The following ADAMTSL3 variants were observed in gnomAD, a reference collection of about 807,000 sequenced individuals.
The protein encoded by ADAMTSL3 is ADAMTS-like protein 3.
ADAMTSL3 carries 128 observed loss-of-function variants against 201.7 expected under a neutral mutation model. The observed-to-expected ratio is 0.63, with a 90% confidence interval of 0.55 to 0.73. ADAMTSL3 has a LOEUF of 0.73. ADAMTSL3 is among the 30% of genes least tolerant of loss of function. The pLI, the probability that ADAMTSL3 is intolerant of heterozygous loss-of-function variation, is 0.00. For missense variants in ADAMTSL3, 1,990 were observed against 2,119.6 expected (o/e 0.94, Z 1.20); for synonymous variants, 738 against 748.4 (o/e 0.99, Z 0.23).
rs150467648 is a variant in ADAMTSL3 at position 83,847,656 on chromosome 15, C to T, written c.727+9441C>T. Among the ~76,000 whole-genome samples, 19 of 152,060 alleles carry T rather than the reference C, an allele frequency of 1.2e-4. No individual in the cohort carries two copies. In the East Asian group the frequency reaches 3.5e-3, roughly 28 times the overall value. On this transcript the variant is annotated intron_variant, in intron 7 of 29. Coordinates refer to ENST00000286744, the MANE Select transcript of ADAMTSL3 (RefSeq NM_207517.3). ...GATTACAGTCACGTGCCACCATGCC[C>T]GGCTAATTTTGTATTTTTAGTAGAG... is the stretch of plus-strand genomic sequence containing the variant.
intron 10 of ADAMTSL3, among the ~76,000 whole-genome samples, chr15:83,886,080 G>T (rs1280187583): frequency 1.3e-5 from 2 of 152,130 alleles, no homozygotes; most frequent in Non-Finnish European, 2.9e-5. Context: ...GTAATCCAGG[G>T]CTCCACACAC....
intron 27 of ADAMTSL3, 102 bp downstream of exon 27, chr15:84,025,538 C>A: frequency 1.8e-6 from 2 of 1,129,686 alleles, no homozygotes; most frequent in Non-Finnish European, 2.5e-6. Flanking sequence ...GGGCGGGGGG[C>A]AGGAATCTGA....
intron 17 of ADAMTSL3, among the ~76,000 whole-genome samples, chr15:83,927,105 T>TTTTC (rs1172650503): frequency 2.6e-5 from 4 of 151,788 alleles, no homozygotes; most frequent in East Asian, 1.9e-4. Context: ...CCATAAATCC[T>TTTTC]TTTCTTTCTT....
intron 5 of ADAMTSL3, among the ~76,000 whole-genome samples, chr15:83,815,764 A>G (rs1388447089): frequency 6.6e-6 from 1 of 152,258 alleles, no homozygotes; most frequent in East Asian, 1.9e-4. Context: ...TTTGAGAATC[A>G]GTCTTGGCTT....
rs566744436 is a variant in ADAMTSL3 at position 83,678,198 on chromosome 15, A to G, written c.69+22368A>G. Among the ~76,000 whole-genome samples the G allele has an allele frequency of 2.0e-5, 3 of 152,238 alleles. No homozygotes were observed. The South Asian group carries it at 6.2e-4, about 32-fold the overall frequency. On this transcript the variant is annotated intron_variant, in intron 2 of 29. Coordinates refer to ENST00000286744, the MANE Select transcript of ADAMTSL3 (RefSeq NM_207517.3). ...TTAACAAACTCATAAGGAGAAGGAT[A>G]TTCTATTATCTTCACCCCTATTTTT...
chr15:83,859,507 A>G (rs2064811044), intron 8 of ADAMTSL3, among the ~76,000 whole-genome samples: 1 of 152,172 alleles, frequency 6.6e-6, no homozygotes, highest in Non-Finnish European at 1.5e-5. Flanking sequence ...TTAAAATGTT[A>G]TCTTCAGTTT....
chr15:83,864,768 A>G (rs975653603), intron 8 of ADAMTSL3, among the ~76,000 whole-genome samples: 6 of 152,192 alleles, frequency 3.9e-5, no homozygotes, highest in Admixed American at 2.6e-4. Context: ...GGCCAGGGCA[A>G]TCACGCAGGA....
At chr15:83,798,916 C>T (rs758457700) in intron 4 of ADAMTSL3, among the ~76,000 whole-genome samples, 9 of 150,958 alleles carry the variant, frequency 6.0e-5, no homozygotes, top group Non-Finnish European at 1.0e-4. Context: ...AAGATTATTT[C>T]GGAAGCATGG....
At chr15:84,016,725 T>C (rs1990178472) in intron 25 of ADAMTSL3, among the ~76,000 whole-genome samples, 1 of 152,248 alleles carries the variant, frequency 6.6e-6, no homozygotes, top group Non-Finnish European at 1.5e-5. Context: ...ACAGAGCTCA[T>C]ATCTCAAATG....
chr15:83,719,235 A>T (rs1301358757), intron 3 of ADAMTSL3, among the ~76,000 whole-genome samples: 2 of 152,222 alleles, frequency 1.3e-5, no homozygotes, highest in Non-Finnish European at 2.9e-5. Flanking sequence ...AAACTAAATC[A>T]TGGGTTTGCA....
At position 83,654,560 on chromosome 15, in the gene ADAMTSL3, C is replaced by G. The variant is rs2061049917; in HGVS notation, c.-34+284C>G. On this transcript the variant is annotated intron_variant, in intron 1 of 29. Transcript: ENST00000286744. This position sits in a 1 kb window ranked among gnomAD's most constrained non-coding sequence, Gnocchi z 5.3. ...CGTTCTTGATTATGGGGGAACTCCA[C>G]AGGGTTGGAGTTTTTCAGGATTGGG... Among the ~76,000 whole-genome samples, 1 of 152,094 alleles carries G rather than the reference C, an allele frequency of 6.6e-6. No homozygotes were observed. Among genetic ancestry groups the G allele is most frequent in the Admixed American group, 6.5e-5 (1 of 15,286 alleles).
At chr15:83,843,879 T>G (rs1203804682) in intron 7 of ADAMTSL3, among the ~76,000 whole-genome samples, 1 of 152,198 alleles carries the variant, frequency 6.6e-6, no homozygotes, top group African/African-American at 2.4e-5. Context: ...ACATACAGAT[T>G]TCCTGTTCAG....
In ADAMTSL3 at chr15:83,869,053, A is replaced by G. The variant is rs140635480; in HGVS notation, c.803-1749A>G. Among the ~76,000 whole-genome samples, 127 of 152,286 alleles carry G rather than the reference A, an allele frequency of 8.3e-4. 1 individual carries two copies. The highest frequency in any genetic ancestry group is 2.9e-3 in the African/African-American group (119 of 41,554). Reference sequence around the variant, plus strand: ...ACAATGGTAAAGCAATTACTACTCCAACACAGCCGCGGAATCCATTGCACG... The same window carrying G: ...ACAATGGTAAAGCAATTACTACTCCGACACAGCCGCGGAATCCATTGCACG... On this transcript the variant is annotated intron_variant, in intron 8 of 29. Coordinates refer to ENST00000286744, the MANE Select transcript of ADAMTSL3 (RefSeq NM_207517.3).
chr15:83,792,727 G>C (rs1287858830), intron 4 of ADAMTSL3, among the ~76,000 whole-genome samples: 2 of 151,548 alleles, frequency 1.3e-5, no homozygotes. Context: ...AGGTTGCAGT[G>C]AGTCGAGATT....
chr15:83,764,862 G>T (rs557955318), intron 3 of ADAMTSL3, among the ~76,000 whole-genome samples: 1 of 152,178 alleles, frequency 6.6e-6, no homozygotes, highest in African/African-American at 2.4e-5. Flanking sequence ...GGGATATGTG[G>T]TGCTAGCAGG....
At chr15:83,931,242 G>C (rs1207083819) in intron 17 of ADAMTSL3, among the ~76,000 whole-genome samples, 3 of 152,330 alleles carry the variant, frequency 2.0e-5, no homozygotes, top group East Asian at 3.9e-4. Flanking sequence ...AGAGGCAATA[G>C]TGATGTGTTT....
chr15:83,808,026 A>T (rs748299421), intron 5 of ADAMTSL3, among the ~76,000 whole-genome samples: 5 of 152,254 alleles, frequency 3.3e-5, no homozygotes, highest in Non-Finnish European at 7.3e-5. Context: ...CTTGAAAATA[A>T]GAAACTGATA....
chr15:83,923,905 C>G lies in ADAMTSL3; in HGVS notation c.1989C>G (p.Gly663=). The G allele has an allele frequency of 6.2e-7, 1 of 1,613,708 alleles. No individual in the cohort carries two copies. Among genetic ancestry groups the G allele is most frequent in the South Asian group, 1.1e-5 (1 of 91,018 alleles). ...TTTTTTCCTCTTTCTAACCTGCAGG[C>G]CATCAAGAAGCCATAGCAGTGTGCT... ...FTPCTATCVG[G]HQEAIAVCLH... The change falls in exon 17 of 30, where the codon GGC becomes GGG. Residue 663 remains glycine, a splice_region_variant and synonymous_variant. Transcript: ENST00000286744.
rs1474268617 is a variant in ADAMTSL3, at chr15:83,673,273, G to A, written c.69+17443G>A. Among the ~76,000 whole-genome samples, 6 of 152,292 alleles carry A rather than the reference G, an allele frequency of 3.9e-5. No homozygotes were observed. In the East Asian group the frequency reaches 1.2e-3, roughly 29 times the overall value. Reference sequence around the variant, plus strand: ...TTTTGGGGAGAGGGAGAGAAACCCAGCCTACACCATGGAATGAACTAGCCA... The same window carrying A: ...TTTTGGGGAGAGGGAGAGAAACCCAACCTACACCATGGAATGAACTAGCCA... On this transcript the variant is annotated intron_variant, in intron 2 of 29. Coordinates refer to ENST00000286744, the MANE Select transcript of ADAMTSL3 (RefSeq NM_207517.3).
Sources: allele counts gnomAD v4.1 joint callset (sites outside exome capture counted in the v4.1 genomes callset), GRCh38; gene constraint gnomAD v4.1.1; non-coding constraint Gnocchi (gnomAD v3.1); transcripts MANE v1.5; gene names NCBI Gene and HGNC (gene_info 2026-07-23, HGNC 2026-07-21).